Variants in ADK observed in about 807,000 individuals in gnomAD.
ADK encodes N6,N6-dimethyladenosine kinase.
In ADK, 24 loss-of-function variants were observed where a neutral mutation model predicts 44.7. The observed-to-expected ratio is 0.54, with a 90% CI of 0.39 to 0.76. The LOEUF is 0.76. Ranked by LOEUF, ADK falls within the 30% of genes least tolerant of loss-of-function variation. ADK has a pLI of 0.00. For missense variants in ADK, 321 were observed against 425.1 expected (o/e 0.76, Z 2.15); for synonymous variants, 128 against 142.6 (o/e 0.90, Z 0.73).
In ADK at chr10:74,247,252, A is replaced by G. The variant is rs184048067; in HGVS notation, c.194+22661A>G. On this transcript the variant is annotated intron_variant, in intron 3 of 10. Transcript: ENST00000539909. ...TTTTTTTTTTTTTTTTTTTTTTGAG[A>G]CAGAGTCTTGCTGTGTCAGCTAGGC... Among the ~76,000 whole-genome samples, 173 of 64,022 alleles carry G rather than the reference A, an allele frequency of 2.7e-3. 1 individual carries two copies. In the Admixed American group the frequency reaches 0.034, roughly 13 times the overall value. 42.0% of individuals were successfully genotyped at this position (64,022 alleles called of 152,430 possible). A position where few individuals can be genotyped will look rare whatever the true frequency, so the allele number is the denominator to read the frequency against.
Position 74,302,097 on chromosome 10 carries a change from TTTTGTTTGTTTG to T in ADK, c.195-12566_195-12555del, listed in dbSNP as rs769629153. Reference sequence around the variant, plus strand: ...TGCTTTCTTTTCTTTTCTGTTTTTTTTTTGTTTGTTTGTTTTTTTTTTTTTTTTTTTTTTTTT... The same window carrying T: ...TGCTTTCTTTTCTTTTCTGTTTTTTTTTTTTTTTTTTTTTTTTTTTTTTTT... On this transcript the variant is annotated intron_variant, in intron 3 of 10. Transcript: ENST00000539909. 1.9e-4 allele frequency among the ~76,000 whole-genome samples: 12 copies of T among 63,860 alleles called. 1 individual carries two copies. The highest frequency in any genetic ancestry group is 5.4e-4 in the Admixed American group (3 of 5,538). The allele number at this position is 63,860 out of a possible 152,430, so 41.9% of individuals were successfully genotyped here.
At chr10:74,530,956 T>G (rs1373641012) in intron 7 of ADK, among the ~76,000 whole-genome samples, 2 of 152,110 alleles carry the variant, frequency 1.3e-5, no homozygotes, top group African/African-American at 4.8e-5. Flanking sequence ...AGTAGACCCT[T>G]GCAGTCTCTT....
chr10:74,182,381 T>TTTATTTATTTATTTAC (rs1842593188), intron 1 of ADK, among the ~76,000 whole-genome samples: 1 of 151,786 alleles, frequency 6.6e-6, no homozygotes, highest in Non-Finnish European at 1.5e-5. Context: ...TATTTATTTA[T>TTTATTTATTTATTTAC]TTTTGAGACA....
At chr10:74,374,005 G>A (rs757160123) in intron 4 of ADK, among the ~76,000 whole-genome samples, 1 of 152,068 alleles carries the variant, frequency 6.6e-6, no homozygotes, top group South Asian at 2.1e-4. Flanking sequence ...TGAAAATATC[G>A]TGCTAAATGA....
chr10:74,333,130 T>G (rs550801547), intron 4 of ADK, among the ~76,000 whole-genome samples: 1 of 152,276 alleles, frequency 6.6e-6, no homozygotes, highest in South Asian at 2.1e-4. Context: ...AATCAAAAAA[T>G]TGAAATCGTC....
At chr10:74,499,708 T>C (rs1246743826) in intron 6 of ADK, among the ~76,000 whole-genome samples, 1 of 152,110 alleles carries the variant, frequency 6.6e-6, no homozygotes, top group Non-Finnish European at 1.5e-5. Flanking sequence ...AAGTGACATT[T>C]TTATCTCTTC....
intron 3 of ADK, among the ~76,000 whole-genome samples, chr10:74,243,256 A>G (rs1389588335): frequency 6.6e-6 from 1 of 152,120 alleles, no homozygotes; most frequent in African/African-American, 2.4e-5. Context: ...TGGCTCCTGG[A>G]GCAGCCGGCC....
At chr10:74,155,971 C>T (rs1273499839) in intron 1 of ADK, among the ~76,000 whole-genome samples, 1 of 152,056 alleles carries the variant, frequency 6.6e-6, no homozygotes. Context: ...CAAATTTAAT[C>T]CTTTAAGATT....
At chr10:74,703,917 C>A (rs1051326666) in intron 10 of ADK, among the ~76,000 whole-genome samples, 4 of 152,072 alleles carry the variant, frequency 2.6e-5, no homozygotes, top group African/African-American at 7.2e-5. Flanking sequence ...TATTGTGCAC[C>A]TGGGTAGATG....
intron 6 of ADK, among the ~76,000 whole-genome samples, chr10:74,444,713 T>A (rs1446288228): frequency 6.6e-6 from 1 of 151,978 alleles, no homozygotes; most frequent in African/African-American, 2.4e-5. Flanking sequence ...TATTTCAGAG[T>A]TAAGGAGTTT....
chr10:74,316,357 A>C (rs1592036264), intron 4 of ADK, among the ~76,000 whole-genome samples: 1 of 152,168 alleles, frequency 6.6e-6, no homozygotes. Flanking sequence ...TGATATGGTT[A>C]GGCTTTGTGT....
At chr10:74,497,912 C>T (rs1166670799) in intron 6 of ADK, among the ~76,000 whole-genome samples, 6 of 150,414 alleles carry the variant, frequency 4.0e-5, no homozygotes, top group Admixed American at 1.3e-4. Context: ...TTTTTTGAGA[C>T]GGAGTCTCAC....
At chr10:74,699,320 G>C (rs747570683) in intron 10 of ADK, among the ~76,000 whole-genome samples, 1 of 151,350 alleles carries the variant, frequency 6.6e-6, no homozygotes, top group Non-Finnish European at 1.5e-5. Context: ...TATTGTTATT[G>C]TTGGTTTTTT....
intron 9 of ADK, among the ~76,000 whole-genome samples, chr10:74,603,819 C>T (rs980163589): frequency 1.1e-4 from 17 of 152,192 alleles, no homozygotes; most frequent in African/African-American, 3.1e-4. Context: ...CTTGAGGAAT[C>T]GCCACACTGT....
At chr10:74,592,194 T>C (rs1264680575) in intron 8 of ADK, among the ~76,000 whole-genome samples, 1 of 152,114 alleles carries the variant, frequency 6.6e-6, no homozygotes, top group Non-Finnish European at 1.5e-5. Context: ...GCATAGTGCC[T>C]GATTTAAATG....
intron 2 of ADK, among the ~76,000 whole-genome samples, chr10:74,201,946 A>T (rs891710608): frequency 5.3e-5 from 8 of 152,160 alleles, no homozygotes; most frequent in Admixed American, 4.6e-4. Flanking sequence ...TATCGCATAA[A>T]ATTGATCGTT....
intron 4 of ADK, among the ~76,000 whole-genome samples, chr10:74,356,319 A>G (rs557989764): frequency 6.6e-6 from 1 of 152,094 alleles, no homozygotes; most frequent in Admixed American, 6.6e-5. Flanking sequence ...CGCCCGGCCA[A>G]TAATTCATAT....
At chr10:74,381,598 C>T (rs1842978327) in intron 4 of ADK, among the ~76,000 whole-genome samples, 1 of 152,140 alleles carries the variant, frequency 6.6e-6, no homozygotes, top group Non-Finnish European at 1.5e-5. Context: ...AAATGATCAG[C>T]CATATGTGCC....
intron 6 of ADK, among the ~76,000 whole-genome samples, chr10:74,524,575 T>C (rs986536773): frequency 2.6e-5 from 4 of 152,182 alleles, no homozygotes; most frequent in Non-Finnish European, 4.4e-5. Context: ...GAAATTTTTG[T>C]AGAGACAGAG....
Sources: allele counts gnomAD v4.1 joint callset (sites outside exome capture counted in the v4.1 genomes callset), GRCh38; gene constraint gnomAD v4.1.1; transcripts MANE v1.5; gene names NCBI Gene and HGNC (gene_info 2026-07-23, HGNC 2026-07-21).